Variants in TLN2 observed in about 807,000 individuals in gnomAD.
The protein encoded by TLN2 is talin-2.
In TLN2, 118 loss-of-function variants were observed where a neutral mutation model predicts 294.7. The observed-to-expected ratio is 0.40, with a 90% CI of 0.34 to 0.47. The LOEUF is 0.47. TLN2 is among the 20% of genes least tolerant of loss of function. TLN2 has a pLI of 0.84. For missense variants in TLN2, 3,083 were observed against 3,282.2 expected, an observed-to-expected ratio of 0.94 and a Z score of 1.48; for synonymous variants, 1,431 against 1,304.5, an observed-to-expected ratio of 1.10 and a Z score of -2.09.
intron 54 of TLN2, chr15:62,832,197 T>G (rs1311740159): frequency 6.8e-6 from 1 of 146,974 alleles, no homozygotes; most frequent in African/African-American, 2.5e-5. Context: ...CTTAAAAATC[T>G]ACTACTGTTG....
At chr15:62,819,674 A>G in intron 53 of TLN2, 53 bp downstream of exon 53, 1 of 1,511,002 alleles carries the variant, frequency 6.6e-7, no homozygotes, top group Non-Finnish European at 9.1e-7. Context: ...GGCAGTGCTA[A>G]TACAGCAGAC....
chr15:62,752,211 T>C (rs547143278), intron 34 of TLN2, 94 bp from the exon 35 acceptor site: 88 of 1,470,924 alleles, frequency 6.0e-5, no homozygotes, highest in Non-Finnish European at 7.9e-5. Context: ...CCAAATTAAG[T>C]TGCCTTGAAT....
chr15:62,613,411 C>T (rs752433520), intron 2 of TLN2, among the ~76,000 whole-genome samples: 8 of 152,116 alleles, frequency 5.3e-5, no homozygotes, highest in African/African-American at 1.2e-4. Flanking sequence ...ACAGGGGATC[C>T]CGTGTCCTAC....
chr15:62,542,411 C>T (rs541885206), intron 1 of TLN2, among the ~76,000 whole-genome samples: 25 of 152,212 alleles, frequency 1.6e-4, no homozygotes, highest in African/African-American at 6.0e-4. Context: ...AGGATGGTCT[C>T]GATCTCCTGA....
At chr15:62,657,369 C>T (rs796685448) in intron 8 of TLN2, among the ~76,000 whole-genome samples, 20 of 152,118 alleles carry the variant, frequency 1.3e-4, no homozygotes, top group African/African-American at 4.8e-4. Flanking sequence ...GTTGATTTTA[C>T]CTCTAGATAT....
chr15:62,626,606 A>G (rs946256126), intron 3 of TLN2, among the ~76,000 whole-genome samples: 5 of 152,176 alleles, frequency 3.3e-5, no homozygotes. Flanking sequence ...AGTCAGCGAC[A>G]AGGATGTGCA....
At chr15:62,814,209 G>A (rs1022859413) in intron 52 of TLN2, among the ~76,000 whole-genome samples, 2 of 152,162 alleles carry the variant, frequency 1.3e-5, no homozygotes, top group African/African-American at 4.8e-5. Flanking sequence ...GAAAAAAACT[G>A]GAGAAATAAT....
chr15:62,831,453 C>T lies in TLN2; in HGVS notation c.7003-2051C>T, dbSNP rs746081221. On this transcript the variant is annotated intron_variant, in intron 54 of 58. Transcript: ENST00000636159. ...ATTTCCAGAAAAGCTCTTAATCTCA[C>T]GGTTATTAAAATATACATTATTTAT... 18 of 151,816 alleles carry T rather than the reference C, an allele frequency of 1.2e-4. No individual in the cohort carries two copies. The South Asian group carries it at 1.9e-3, about 16-fold the overall frequency. 9.4% of individuals were successfully genotyped at this position (151,816 alleles called of 1,614,324 possible). A position where few individuals can be genotyped will look rare whatever the true frequency, so the allele number is the denominator to read the frequency against.
At chr15:62,828,998 C>A (rs925122145) in intron 54 of TLN2, 1 of 152,064 alleles carries the variant, frequency 6.6e-6, no homozygotes, top group African/African-American at 2.4e-5. Flanking sequence ...ATACAGATTC[C>A]TGACTCCCAC....
intron 46 of TLN2, among the ~76,000 whole-genome samples, chr15:62,795,051 T>C (rs1293313977): frequency 6.6e-6 from 1 of 152,180 alleles, no homozygotes; most frequent in Admixed American, 6.5e-5. Flanking sequence ...AACGGTGTGC[T>C]GTGGCGTCCC....
intron 1 of TLN2, among the ~76,000 whole-genome samples, chr15:62,434,030 C>T (rs2035162717): frequency 6.9e-6 from 1 of 144,886 alleles, no homozygotes; most frequent in South Asian, 2.1e-4. Context: ...CTAATTTAGG[C>T]TCATCTGTCC....
intron 1 of TLN2, among the ~76,000 whole-genome samples, chr15:62,448,452 C>T (rs899535297): frequency 6.6e-6 from 1 of 152,136 alleles, no homozygotes; most frequent in African/African-American, 2.4e-5. Context: ...CTTCTGGATT[C>T]GGTTTATTCT....
At chr15:62,745,174 AC>A (rs2061546326) in intron 32 of TLN2, among the ~76,000 whole-genome samples, 1 of 152,226 alleles carries the variant, frequency 6.6e-6, no homozygotes, top group Non-Finnish European at 1.5e-5. Flanking sequence ...ACCCTTTTTA[AC>A]CATTGAAGTT....
Position 62,712,038 on chromosome 15 carries a change from C to A in TLN2, c.2595C>A (p.Leu865=). ...NSKKLLAAAK[L]LADSTARMVE... is the part of the protein sequence containing the mutation. ...AGAAGCTCCTGGCAGCAGCAAAACT[C>A]TTAGCTGACTCCACTGCTCGCATGG... The change falls in exon 22 of 59, where the codon CTC becomes CTA. Residue 865 remains leucine (L), a synonymous_variant. Coordinates refer to ENST00000636159, the MANE Select transcript of TLN2 (RefSeq NM_015059.3). The A allele has an allele frequency of 6.2e-7, 1 of 1,614,212 alleles. No homozygotes were observed.
intron 1 of TLN2, among the ~76,000 whole-genome samples, chr15:62,415,298 C>T (rs546178939): frequency 2.8e-5 from 4 of 141,372 alleles, no homozygotes; most frequent in South Asian, 5.4e-4. Flanking sequence ...GACTGACAGC[C>T]GTGCGAGTTT....
chr15:62,457,349 G>T (rs988440645), intron 1 of TLN2, among the ~76,000 whole-genome samples: 1 of 152,188 alleles, frequency 6.6e-6, no homozygotes, highest in African/African-American at 2.4e-5. Context: ...CTCCACTGTC[G>T]TGACCTCATC....
intron 11 of TLN2, among the ~76,000 whole-genome samples, chr15:62,679,491 G>A (rs1567333193): frequency 6.6e-6 from 1 of 152,124 alleles, no homozygotes; most frequent in African/African-American, 2.4e-5. Context: ...TAAATGTTAC[G>A]CTAAGTGAAA....
intron 45 of TLN2, among the ~76,000 whole-genome samples, chr15:62,787,307 T>G (rs1417775783): frequency 1.3e-5 from 2 of 152,196 alleles, no homozygotes; most frequent in African/African-American, 4.8e-5. Flanking sequence ...GATGTAGTTG[T>G]TTTTTAAGGC....
At chr15:62,435,869 C>T (rs1284641565) in intron 1 of TLN2, among the ~76,000 whole-genome samples, 1 of 152,188 alleles carries the variant, frequency 6.6e-6, no homozygotes, top group African/African-American at 2.4e-5. Flanking sequence ...TGGAAATTAG[C>T]ATCTGTCACA....
Sources: allele counts gnomAD v4.1 joint callset (sites outside exome capture counted in the v4.1 genomes callset), GRCh38; gene constraint gnomAD v4.1.1; transcripts MANE v1.5; gene names NCBI Gene and HGNC (gene_info 2026-07-23, HGNC 2026-07-21).